The following KAZN variants were observed in gnomAD, a reference collection of about 807,000 sequenced individuals.
The protein encoded by KAZN is kazrin, periplakin interacting protein.
In KAZN, 40 loss-of-function variants were observed where a neutral mutation model predicts 87.4. The observed-to-expected ratio is 0.46, with a 90% CI of 0.36 to 0.60. KAZN has a LOEUF of 0.60. Ranked by LOEUF, KAZN falls within the 20% of genes least tolerant of loss-of-function variation. The pLI, the probability that KAZN is intolerant of heterozygous loss-of-function variation, is 0.00. For missense variants in KAZN, 898 were observed against 1,073.9 expected (o/e 0.84, Z 2.29); for synonymous variants, 466 against 458.3 (o/e 1.02, Z -0.22).
At chr1:15,083,794 C>G (rs1048479850) in intron 8 of KAZN, among the ~76,000 whole-genome samples, 2 of 152,214 alleles carry the variant, frequency 1.3e-5, no homozygotes, top group Non-Finnish European at 2.9e-5. Context: ...TATCTTCCCA[C>G]ACCCCACACA....
intron 1 of KAZN, among the ~76,000 whole-genome samples, chr1:14,012,142 A>C (rs1228339027): frequency 1.3e-5 from 2 of 152,200 alleles, no homozygotes; most frequent in Non-Finnish European, 2.9e-5. Context: ...TTGAATCTAC[A>C]CTGAGTTTTT....
chr1:14,213,363 A>G (rs1199151034), intron 2 of KAZN, among the ~76,000 whole-genome samples: 1 of 152,170 alleles, frequency 6.6e-6, no homozygotes, highest in African/African-American at 2.4e-5. Context: ...ACCAAGAAAT[A>G]TGATGGAATA....
chr1:14,320,147 A>G (rs1006501820), intron 2 of KAZN, among the ~76,000 whole-genome samples: 4 of 152,294 alleles, frequency 2.6e-5, no homozygotes, highest in East Asian at 1.9e-4. Flanking sequence ...TTTAAATACT[A>G]TTCTTTTGTA....
intron 1 of KAZN, among the ~76,000 whole-genome samples, chr1:14,940,939 G>A (rs1225324464): frequency 2.7e-5 from 3 of 111,938 alleles, no homozygotes; most frequent in Non-Finnish European, 5.0e-5. Context: ...TCTGAGAGAC[G>A]CAGCCTTGCC....
chr1:14,257,958 TTAA>T (rs1650664392), intron 2 of KAZN, among the ~76,000 whole-genome samples: 1 of 28,424 alleles, frequency 3.5e-5, no homozygotes, highest in African/African-American at 2.0e-4. Flanking sequence ...AAAAAAAACA[TTAA>T]AAAAAAAAAA....
At chr1:14,857,445 A>C (rs1483117046) in intron 1 of KAZN, among the ~76,000 whole-genome samples, 1 of 152,112 alleles carries the variant, frequency 6.6e-6, no homozygotes, top group Non-Finnish European at 1.5e-5. Context: ...CTGAGGCTGG[A>C]CTGCTTGAGC....
intron 2 of KAZN, among the ~76,000 whole-genome samples, chr1:14,449,884 C>G (rs1667174379): frequency 6.6e-6 from 1 of 152,094 alleles, no homozygotes; most frequent in Admixed American, 6.6e-5. Context: ...TAATGAGCCC[C>G]TTCTGACTCT....
intron 1 of KAZN, among the ~76,000 whole-genome samples, chr1:14,173,409 C>T (rs764850542): frequency 2.6e-5 from 4 of 152,234 alleles, no homozygotes; most frequent in African/African-American, 9.6e-5. Context: ...CTCCACTTAC[C>T]TCCATTTACT....
intron 2 of KAZN, among the ~76,000 whole-genome samples, chr1:15,005,365 C>G (rs183415297): frequency 2.6e-5 from 4 of 152,348 alleles, no homozygotes; most frequent in Admixed American, 1.3e-4. Flanking sequence ...GCTGTGTGCA[C>G]CCTGCTCCAC....
At chr1:14,133,143 C>A (rs577839861) in intron 1 of KAZN, among the ~76,000 whole-genome samples, 3 of 151,790 alleles carry the variant, frequency 2.0e-5, no homozygotes, top group Admixed American at 1.3e-4. Context: ...CCAAGGTGGG[C>A]GGATCATGAG....
chr1:14,637,768 T>C (rs1302202753), intron 1 of KAZN, among the ~76,000 whole-genome samples: 1 of 151,766 alleles, frequency 6.6e-6, no homozygotes, highest in Non-Finnish European at 1.5e-5. Context: ...TGTATAGATG[T>C]ACATATATAT....
chr1:14,672,260 C>T (rs1243420299), intron 1 of KAZN, among the ~76,000 whole-genome samples: 1 of 152,190 alleles, frequency 6.6e-6, no homozygotes, highest in Admixed American at 6.5e-5. Flanking sequence ...TCATGGTTCA[C>T]TTATTGTGGT....
rs1641837295 is a variant in KAZN, at chr1:15,116,197, CA to C, written c.*1564del. On this transcript the variant is annotated 3_prime_UTR_variant, in exon 15 of 15. Coordinates refer to ENST00000376030, the MANE Select transcript of KAZN (RefSeq NM_201628.3). ...TGGAACCATGATGCTCGACCTCCTT[CA>C]AGGCCGTTTGCACTGGGGCTTGAGT... 1 of 152,208 alleles carries C rather than the reference CA, an allele frequency of 6.6e-6. No homozygotes were observed. Among genetic ancestry groups the C allele is most frequent in the Admixed American group, 6.5e-5 (1 of 15,282 alleles). The allele number at this position is 152,208 out of a possible 1,614,324, so 9.4% of individuals were successfully genotyped here. A position where few individuals can be genotyped will look rare whatever the true frequency, so the allele number is the denominator to read the frequency against.
intron 2 of KAZN, among the ~76,000 whole-genome samples, chr1:14,276,163 GTGT>G (rs1557610029): frequency 0.044 from 2,169 of 49,546 alleles, 20 homozygotes; most frequent in African/African-American, 0.1. Context: ...CTATAAGGGT[GTGT>G]GTGTGTGTGT....
chr1:14,864,922 A>G (rs899373240), intron 1 of KAZN, among the ~76,000 whole-genome samples: 13 of 152,184 alleles, frequency 8.5e-5, no homozygotes, highest in East Asian at 1.9e-4. Flanking sequence ...ACTGCATGAA[A>G]AAAGCTCAGA....
rs144156155 is a variant in KAZN, at chr1:14,709,135, C to A, written c.226+109912C>A. 3.0e-4 allele frequency among the ~76,000 whole-genome samples: 45 copies of A among 152,238 alleles called. No individual in the cohort carries two copies. The Middle Eastern group carries it at 0.01, about 35-fold the overall frequency. On this transcript the variant is annotated intron_variant, in intron 1 of 14. Coordinates refer to ENST00000376030, the MANE Select transcript of KAZN (RefSeq NM_201628.3). ...CACTGCATCCTCACCACCACCCTAACGGCACAGATGAATCGGAGGCACGAA... is the reference window on the plus strand; with the variant it reads ...CACTGCATCCTCACCACCACCCTAAAGGCACAGATGAATCGGAGGCACGAA...
At chr1:14,400,885 G>A (rs576263659) in intron 2 of KAZN, among the ~76,000 whole-genome samples, 3 of 152,318 alleles carry the variant, frequency 2.0e-5, no homozygotes, top group Admixed American at 6.5e-5. Flanking sequence ...CCTATCTGCC[G>A]TGTGTGTATG....
chr1:13,912,504 G>A (rs1337478336), intron 1 of KAZN, among the ~76,000 whole-genome samples: 1 of 152,174 alleles, frequency 6.6e-6, no homozygotes, highest in Non-Finnish European at 1.5e-5. Context: ...TGAGACCAGG[G>A]CAACAGCTCA....
In KAZN at chr1:14,733,158, C is replaced by G. The variant is rs1398853043; in HGVS notation, c.226+133935C>G. Among the ~76,000 whole-genome samples the G allele has an allele frequency of 2.6e-5, 4 of 152,102 alleles. No homozygotes were observed. The South Asian group carries it at 8.3e-4, about 32-fold the overall frequency. On this transcript the variant is annotated intron_variant, in intron 1 of 14. Transcript: ENST00000376030. Reference sequence around the variant, plus strand: ...GATCAGCTCTGATTTCAGCCCCAGACTTTCTGACAGAGGGACTTTCCGCCC... The same window carrying G: ...GATCAGCTCTGATTTCAGCCCCAGAGTTTCTGACAGAGGGACTTTCCGCCC...
Sources: gnomAD v4.1 joint callset for allele counts (sites outside exome capture counted in the v4.1 genomes callset) on GRCh38, gnomAD v4.1.1 for gene constraint, MANE v1.5 for transcripts, NCBI Gene and HGNC (gene_info 2026-07-23, HGNC 2026-07-21) for gene names.